Variants in LGALS3 observed in about 807,000 individuals in gnomAD.
LGALS3 encodes galectin 3, also known as galectin-3.
A neutral mutation model predicts 20.7 loss-of-function variants in LGALS3; 18 were observed. The ratio of observed to expected loss-of-function variants is 0.87; its 90% CI spans 0.60 to 1.29. The LOEUF (loss-of-function observed/expected upper bound fraction) is 1.29. Among genes scored for constraint, LGALS3 ranks in the 50% most tolerant of loss-of-function variants. LGALS3 has a pLI of 0.00. For synonymous variants in LGALS3, 112 were observed against 119.6 expected (o/e 0.94, Z 0.42); for missense variants, 315 against 314.7 (o/e 1.00, Z -0.01).
chr14:55,143,442 A>G, intron 5 of LGALS3: 1 of 365,264 alleles, frequency 2.7e-6, no homozygotes, highest in Admixed American at 3.5e-5. Context: ...TTTTTTTTCG[A>G]GACAGAGTCT....
In LGALS3 at chr14:55,129,994, A is replaced by C. The variant is rs1175896142; in HGVS notation, c.-5+694A>C. On this transcript the variant is annotated intron_variant, in intron 1 of 5. Coordinates refer to ENST00000254301, the MANE Select transcript of LGALS3 (RefSeq NM_002306.4). This position sits in a 1 kb window ranked among gnomAD's most constrained non-coding sequence, Gnocchi z 5.3. The stretch of plus-strand genomic sequence containing the variant: ...CAGCCGCTGTCTGGTTGCTGATCCC[A>C]CAGAAAATGGTGCTTGCCCCATGGC... 6.6e-6 allele frequency among the ~76,000 whole-genome samples: 1 copy of C among 152,128 alleles called. No individual in the cohort carries two copies. Among genetic ancestry groups the C allele is most frequent in the Non-Finnish European group, 1.5e-5 (1 of 67,998 alleles).
Position 55,144,792 on chromosome 14 carries a change from C to T in LGALS3, c.598-324C>T, listed in dbSNP as rs140263361. Among the ~76,000 whole-genome samples the T allele has an allele frequency of 8.7e-3, 1,316 of 152,128 alleles. 20 individuals carry two copies. Among genetic ancestry groups the T allele is most frequent in the African/African-American group, 0.029 (1,211 of 41,508 alleles). ...TGTTAGCCAGGATGGTCTCGATCTCCTGACCTTGTGATCCACCCGCCTCAG... is the reference window on the plus strand; with the variant it reads ...TGTTAGCCAGGATGGTCTCGATCTCTTGACCTTGTGATCCACCCGCCTCAG... On this transcript the variant is annotated intron_variant, in intron 5 of 5. Transcript: ENST00000254301.
intron 1 of LGALS3, among the ~76,000 whole-genome samples, chr14:55,130,764 G>T (rs568438598): frequency 6.7e-6 from 1 of 148,178 alleles, no homozygotes; most frequent in Non-Finnish European, 1.5e-5. Flanking sequence ...GGGGGGGGGG[G>T]GGTCCCTCCA....
At chr14:55,137,489 A>G in intron 2 of LGALS3, 98 bp downstream of exon 2, 1 of 1,612,692 alleles carries the variant, frequency 6.2e-7, no homozygotes, top group Non-Finnish European at 8.5e-7. Flanking sequence ...TCACTCTCCC[A>G]CTGCGTGGCT....
Position 55,142,628 on chromosome 14 carries a change from T to G in LGALS3, c.476T>G (p.Phe159Cys). 1 of 1,613,932 alleles carries G rather than the reference T, an allele frequency of 6.2e-7. No individual in the cohort carries two copies. Among genetic ancestry groups the G allele is most frequent in the East Asian group, 2.2e-5 (1 of 44,876 alleles). ...AGAGGGAATGATGTTGCCTTCCACT[T>G]TAACCCACGCTTCAATGAGAACAAC... ...FQRGNDVAFH[F>C]NPRFNENNRR... is the part of the protein sequence containing the mutation. Residue 159 changes from phenylalanine to cysteine, a missense_variant, in exon 5 of 6, where the codon TTT (phenylalanine) becomes TGT (cysteine). Phe to Cys is a radical substitution (Grantham distance 205, BLOSUM62 -2). Transcript: ENST00000254301.
chr14:55,131,765 A>C (rs957736638), intron 1 of LGALS3, among the ~76,000 whole-genome samples: 4 of 152,210 alleles, frequency 2.6e-5, no homozygotes, highest in African/African-American at 7.2e-5. Context: ...GTAGGGGGGA[A>C]GATCAGTCAT....
chr14:55,133,871 CT>C (rs1194871726), intron 1 of LGALS3, among the ~76,000 whole-genome samples: 2 of 150,302 alleles, frequency 1.3e-5, no homozygotes, highest in East Asian at 4.3e-4. Context: ...TTAAACACAT[CT>C]TAATTTGAAT....
chr14:55,132,566 A>AAGCTT (rs1291965178), intron 1 of LGALS3, among the ~76,000 whole-genome samples: 1 of 98,298 alleles, frequency 1.0e-5, no homozygotes, highest in Non-Finnish European at 1.9e-5. Flanking sequence ...ATCAGTTATA[A>AAGCTT]TGCTTTTCTT....
At chr14:55,134,983 C>T (rs536380134) in intron 1 of LGALS3, among the ~76,000 whole-genome samples, 57 of 148,234 alleles carry the variant, frequency 3.8e-4, no homozygotes, top group Non-Finnish European at 7.2e-4. Flanking sequence ...AGTGAGACCC[C>T]GTGTCTAAAA....
intron 5 of LGALS3, chr14:55,143,419 A>C (rs1881699373): frequency 5.2e-6 from 2 of 383,452 alleles, no homozygotes; most frequent in Non-Finnish European, 1.0e-5. Flanking sequence ...ATTGTTACTT[A>C]ATAGCACTTT....
intron 1 of LGALS3, among the ~76,000 whole-genome samples, chr14:55,134,110 T>C (rs1881312447): frequency 6.6e-6 from 1 of 152,190 alleles, no homozygotes; most frequent in Non-Finnish European, 1.5e-5. Flanking sequence ...TTTGCTGTAT[T>C]GCCCAGGCTG....
At chr14:55,130,419 G>T (rs1313071730) in intron 1 of LGALS3, among the ~76,000 whole-genome samples, 2 of 152,210 alleles carry the variant, frequency 1.3e-5, no homozygotes, top group Non-Finnish European at 2.9e-5. Flanking sequence ...GACTCAGGCT[G>T]TCTCTAGGAT....
intron 1 of LGALS3, among the ~76,000 whole-genome samples, chr14:55,136,172 T>A (rs1278841781): frequency 4.6e-5 from 7 of 152,160 alleles, no homozygotes; most frequent in African/African-American, 1.7e-4. Flanking sequence ...GACTGATGTC[T>A]CCAGACCACC....
intron 1 of LGALS3, among the ~76,000 whole-genome samples, chr14:55,132,988 G>A (rs1019414805): frequency 2.6e-5 from 4 of 152,148 alleles, no homozygotes; most frequent in African/African-American, 7.2e-5. Context: ...ATACAAAATG[G>A]CATTCTTGTA....
At chr14:55,136,072 C>T (rs1881386873) in intron 1 of LGALS3, among the ~76,000 whole-genome samples, 1 of 152,164 alleles carries the variant, frequency 6.6e-6, no homozygotes, top group Non-Finnish European at 1.5e-5. Context: ...CCCAGCTGCC[C>T]TCCTCCCCTC....
chr14:55,145,041 A>T (rs1477758780), intron 5 of LGALS3, 75 bp from the exon 6 acceptor site: 5 of 1,157,510 alleles, frequency 4.3e-6, no homozygotes, highest in Non-Finnish European at 6.3e-6. Context: ...TGAAATATGT[A>T]TATATTGTGG....
intron 5 of LGALS3, chr14:55,143,441 G>A (rs1004624475): frequency 1.2e-5 from 4 of 323,190 alleles, no homozygotes; most frequent in South Asian, 2.2e-5. Context: ...TTTTTTTTTC[G>A]AGACAGAGTC....
In LGALS3 at chr14:55,129,255, CGCAGCACCTCCTCGCCA is replaced by C. The variant is rs1344106686; in HGVS notation, c.-44_-28del. On this transcript the variant is annotated 5_prime_UTR_variant, in exon 1 of 6. Coordinates refer to ENST00000254301, the MANE Select transcript of LGALS3 (RefSeq NM_002306.4). This position sits in a 1 kb window ranked among gnomAD's most constrained non-coding sequence, Gnocchi z 5.3. ...TCGGAGCCACCGCCCCGCCGGCGCC[CGCAGCACCTCCTCGCCA>C]GCAGCCGTCCGGAGCCAGCCAACGA... 2 of 151,890 alleles carry C rather than the reference CGCAGCACCTCCTCGCCA, an allele frequency of 1.3e-5. No homozygotes were observed. The allele number at this position is 151,890 out of a possible 1,614,324, so 9.4% of individuals were successfully genotyped here.
chr14:55,134,989 T>TAA (rs11399383), intron 1 of LGALS3, among the ~76,000 whole-genome samples: 10 of 145,454 alleles, frequency 6.9e-5, no homozygotes, highest in African/African-American at 2.5e-4. Context: ...ACCCCGTGTC[T>TAA]AAAAAAAAAA....
Sources: allele counts gnomAD v4.1 joint callset (sites outside exome capture counted in the v4.1 genomes callset), GRCh38; gene constraint gnomAD v4.1.1; non-coding constraint Gnocchi (gnomAD v3.1); transcripts MANE v1.5; gene names NCBI Gene and HGNC (gene_info 2026-07-23, HGNC 2026-07-21).